Variants in SLC36A1 observed in about 807,000 individuals in gnomAD.
SLC36A1 encodes the protein solute carrier family 36 member 1.
A neutral mutation model predicts 47.5 loss-of-function variants in SLC36A1; 30 were observed. The ratio of observed to expected loss-of-function variants is 0.63; its 90% CI spans 0.47 to 0.86. SLC36A1 has a LOEUF of 0.86. Among genes scored for constraint, SLC36A1 ranks in the 40% least tolerant of loss-of-function variants. SLC36A1 has a pLI of 0.00. For synonymous variants in SLC36A1, 255 were observed against 249.7 expected (o/e 1.02, Z -0.20); for missense variants, 517 against 606.0 (o/e 0.85, Z 1.54).
chr5:151,525,838 G>A, the SLC36A1 span: 129 of 1,613,870 alleles, frequency 8.0e-5, no homozygotes, highest in Admixed American at 1.3e-4. Context: ...CCATCCATCC[G>A]GGGTCACTCG....
the SLC36A1 span, among the ~76,000 whole-genome samples, chr5:151,384,180 A>G: frequency 6.6e-6 from 1 of 152,154 alleles, no homozygotes; most frequent in African/African-American, 2.4e-5. Flanking sequence ...GGGCATCAGG[A>G]GACCTGTGTT....
chr5:151,446,625 T>C (rs1752939298), upstream of SLC36A1, among the ~76,000 whole-genome samples: 1 of 152,162 alleles, frequency 6.6e-6, no homozygotes, highest in Non-Finnish European at 1.5e-5. Context: ...ATTATTATGG[T>C]CTGAAAGAAT....
At chr5:151,550,481 T>C in the SLC36A1 span, 1 of 1,256,784 alleles carries the variant, frequency 8.0e-7, no homozygotes, top group South Asian at 1.4e-5. Flanking sequence ...CTCTGTCTCG[T>C]GCATGGTCCT....
chr5:151,545,625 G>A, the SLC36A1 span: 1 of 1,614,174 alleles, frequency 6.2e-7, no homozygotes, highest in Non-Finnish European at 8.5e-7. Context: ...ATTGGAAAGA[G>A]GGCATGCTCT....
chr5:151,472,984 A>G (rs1757525215), intron 7 of SLC36A1, among the ~76,000 whole-genome samples: 1 of 152,194 alleles, frequency 6.6e-6, no homozygotes, highest in Non-Finnish European at 1.5e-5. Flanking sequence ...CTTGGCCAAC[A>G]TGGTGAAGCC....
the SLC36A1 span, among the ~76,000 whole-genome samples, chr5:151,424,332 A>G: frequency 1.3e-5 from 2 of 152,222 alleles, no homozygotes; most frequent in Non-Finnish European, 2.9e-5. Context: ...GGTTTCAGTG[A>G]TGCTGGAGGA....
chr5:151,506,488 G>A, the SLC36A1 span, among the ~76,000 whole-genome samples: 1 of 152,190 alleles, frequency 6.6e-6, no homozygotes, highest in Non-Finnish European at 1.5e-5. Context: ...CAGGTGTGAT[G>A]GAGTCTATCA....
chr5:151,373,102 A>G, the SLC36A1 span, among the ~76,000 whole-genome samples: 1 of 152,036 alleles, frequency 6.6e-6, no homozygotes, highest in African/African-American at 2.4e-5. Flanking sequence ...ATGGCCAAAA[A>G]TTTTCAAAAA....
intron 1 of SLC36A1, among the ~76,000 whole-genome samples, chr5:151,457,911 C>T (rs967900941): frequency 1.3e-5 from 2 of 150,800 alleles, no homozygotes; most frequent in Non-Finnish European, 2.9e-5. Context: ...TGCAATGGCA[C>T]GATCTCGGCT....
chr5:151,488,819 A>C lies in SLC36A1; in HGVS notation c.*565A>C. The C allele has an allele frequency of 6.4e-6, 1 of 157,172 alleles. No individual in the cohort carries two copies. Among genetic ancestry groups the C allele is most frequent in the Admixed American group, 6.0e-5 (1 of 16,764 alleles). 9.7% of individuals were successfully genotyped at this position (157,172 alleles called of 1,614,324 possible). A position where few individuals can be genotyped will look rare whatever the true frequency, so the allele number is the denominator to read the frequency against. The stretch of plus-strand genomic sequence containing the variant: ...CCCCAAGCTGGAGTTTTTAATCTGG[A>C]CTCTCTGGCTTGCTGTGACCCCTAA... On this transcript the variant is annotated 3_prime_UTR_variant, in exon 11 of 11. Transcript: ENST00000243389.
chr5:151,366,726 G>T, the SLC36A1 span: 78,368 of 153,658 alleles, frequency 0.51, 22,494 homozygotes, highest in African/African-American at 0.79. Context: ...ATTAAAATCC[G>T]AGCATGGCAG....
At position 151,465,139 on chromosome 5, in the gene SLC36A1, C is replaced by T; in HGVS notation, c.389C>T (p.Ser130Phe). The T allele has an allele frequency of 1.9e-6, 3 of 1,614,182 alleles. No homozygotes were observed. Among genetic ancestry groups the T allele is most frequent in the Non-Finnish European group, 2.5e-6 (3 of 1,180,018 alleles). Residue 130 changes from serine (S) to phenylalanine (F), a missense_variant, in exon 5 of 11, where the codon TCC (serine) becomes TTC (phenylalanine). Transcript: ENST00000243389. ...TATGGACTAGAATCCAGCCCCTGCT[C>T]CTGGCTCCGGAACCACGCACACTGG... Reference protein sequence around the residue: ...VMYGLESSPCSWLRNHAHWGR... With the variant: ...VMYGLESSPCFWLRNHAHWGR...
chr5:151,428,936 C>T, the SLC36A1 span, among the ~76,000 whole-genome samples: 2 of 152,146 alleles, frequency 1.3e-5, no homozygotes, highest in Admixed American at 6.5e-5. Context: ...CCTGGCCGTC[C>T]GTCTGCTGCA....
chr5:151,389,979 T>C, the SLC36A1 span, among the ~76,000 whole-genome samples: 9 of 152,190 alleles, frequency 5.9e-5, no homozygotes, highest in Admixed American at 1.3e-4. Context: ...CTTGAGGAAT[T>C]GCCACACTGT....
chr5:151,423,759 A>T, the SLC36A1 span, among the ~76,000 whole-genome samples: 1 of 152,342 alleles, frequency 6.6e-6, no homozygotes, highest in East Asian at 1.9e-4. Context: ...TGCAACACCA[A>T]AAGTGAACCC....
chr5:151,544,966 C>T, the SLC36A1 span: 1 of 1,614,146 alleles, frequency 6.2e-7, no homozygotes, highest in South Asian at 1.1e-5. Context: ...TCTGACCAAA[C>T]CCTGAGCCAC....
chr5:151,438,695 A>G (rs745640354), intron 1 of SLC36A1, among the ~76,000 whole-genome samples: 2 of 152,172 alleles, frequency 1.3e-5, no homozygotes, highest in Non-Finnish European at 2.9e-5. Flanking sequence ...ATCCTTTGAC[A>G]TATGCTCTGC....
the SLC36A1 span, among the ~76,000 whole-genome samples, chr5:151,416,115 A>G: frequency 6.6e-6 from 1 of 152,160 alleles, no homozygotes; most frequent in African/African-American, 2.4e-5. Context: ...TTCCATCTCA[A>G]AAAATAACAA....
chr5:151,514,988 T>A, the SLC36A1 span, among the ~76,000 whole-genome samples: 29 of 152,314 alleles, frequency 1.9e-4, no homozygotes, highest in African/African-American at 6.3e-4. Flanking sequence ...TTTATTTTTT[T>A]AAAAAAGGTT....
Sources: gnomAD v4.1 joint callset for allele counts (sites outside exome capture counted in the v4.1 genomes callset) on GRCh38, gnomAD v4.1.1 for gene constraint, MANE v1.5 for transcripts, NCBI Gene and HGNC (gene_info 2026-07-23, HGNC 2026-07-21) for gene names.